Variants in EML4 observed in about 807,000 individuals in gnomAD.
EML4 encodes echinoderm microtubule-associated protein-like 4.
A neutral mutation model predicts 129.0 loss-of-function variants in EML4; 72 were observed. That is an observed-to-expected ratio of 0.56 (90% CI 0.46 to 0.68). The LOEUF (loss-of-function observed/expected upper bound fraction) is 0.68. EML4 is among the 30% of genes least tolerant of loss of function. EML4 has a pLI of 0.00. For missense variants in EML4, 1,363 were observed against 1,190.6 expected, an observed-to-expected ratio of 1.14 and a Z score of -2.13; for synonymous variants, 532 against 405.0, an observed-to-expected ratio of 1.31 and a Z score of -3.77.
chr2:42,305,664 GC>G (rs1369013426), intron 17 of EML4, among the ~76,000 whole-genome samples: 1 of 152,040 alleles, frequency 6.6e-6, no homozygotes, highest in Non-Finnish European at 1.5e-5. Flanking sequence ...CAACTTTATT[GC>G]CTCTGCTAGT....
At chr2:42,285,048 GTTGA>G (rs1185088420) in intron 9 of EML4, among the ~76,000 whole-genome samples, 1 of 146,116 alleles carries the variant, frequency 6.8e-6, no homozygotes, top group Non-Finnish European at 1.5e-5. Flanking sequence ...TGATGAACCT[GTTGA>G]TTCTTATTTA....
rs369446476 is a variant in EML4 at position 42,288,210 on chromosome 2, G to A, written c.1123-17G>A. On this transcript the variant is annotated splice_polypyrimidine_tract_variant and intron_variant, in intron 10 of 22. Transcript: ENST00000318522. Reference sequence around the variant, plus strand: ...TATCAGTGAATTTTAAAATGCCTCTGATTGACTTTTCTTTAGGATTCAGGT... The same window carrying A: ...TATCAGTGAATTTTAAAATGCCTCTAATTGACTTTTCTTTAGGATTCAGGT... 1.1e-5 allele frequency: 12 copies of A among 1,134,880 alleles called. No homozygotes were observed. The highest frequency in any genetic ancestry group is 3.1e-5 in the African/African-American group (2 of 63,800). The allele number at this position is 1,134,880 out of a possible 1,614,324, so 70.3% of individuals were successfully genotyped here.
chr2:42,232,065 G>A (rs1195027107), intron 1 of EML4, among the ~76,000 whole-genome samples: 1 of 151,964 alleles, frequency 6.6e-6, no homozygotes, highest in African/African-American at 2.4e-5. Context: ...CAAATATCTG[G>A]ATGAATAGGA....
At chr2:42,317,332 G>C in intron 18 of EML4, 95 bp from the exon 19 acceptor site, 1 of 794,676 alleles carries the variant, frequency 1.3e-6, no homozygotes, top group Non-Finnish European at 2.0e-6. Context: ...TAGTTAAATT[G>C]ATGAGATTTA....
chr2:42,175,929 T>C (rs1373865442), intron 1 of EML4, among the ~76,000 whole-genome samples: 1 of 152,236 alleles, frequency 6.6e-6, no homozygotes, highest in African/African-American at 2.4e-5. Flanking sequence ...CTATGCTTAG[T>C]TTTTTAATAG....
chr2:42,194,785 A>G (rs979904217), intron 1 of EML4, among the ~76,000 whole-genome samples: 5 of 152,228 alleles, frequency 3.3e-5, no homozygotes, highest in African/African-American at 1.2e-4. Context: ...TGCTGGGATT[A>G]CAGGAGTGAG....
intron 11 of EML4, among the ~76,000 whole-genome samples, chr2:42,292,271 C>T (rs984470397): frequency 2.0e-5 from 3 of 152,182 alleles, no homozygotes; most frequent in Admixed American, 6.5e-5. Flanking sequence ...TGCATGCTTT[C>T]TGGCCCAAAT....
chr2:42,182,475 GA>G (rs1468460652), intron 1 of EML4, among the ~76,000 whole-genome samples: 1 of 151,978 alleles, frequency 6.6e-6, no homozygotes, highest in Non-Finnish European at 1.5e-5. Context: ...GCACTAAACT[GA>G]CACCCCGTAC....
At chr2:42,196,308 T>C (rs957127866) in intron 1 of EML4, among the ~76,000 whole-genome samples, 1 of 152,242 alleles carries the variant, frequency 6.6e-6, no homozygotes, top group Non-Finnish European at 1.5e-5. Context: ...GCACTTAATA[T>C]GTGCTTAATG....
At chr2:42,277,800 C>G (rs984347433) in intron 6 of EML4, among the ~76,000 whole-genome samples, 3 of 152,140 alleles carry the variant, frequency 2.0e-5, no homozygotes, top group South Asian at 2.1e-4. Flanking sequence ...AACTCCTGAC[C>G]TCGTGATCTG....
chr2:42,231,958 A>T (rs1190990199), intron 1 of EML4, among the ~76,000 whole-genome samples: 1 of 152,160 alleles, frequency 6.6e-6, no homozygotes, highest in Non-Finnish European at 1.5e-5. Flanking sequence ...CAAAAAAAAA[A>T]AATTATTTAT....
intron 1 of EML4, among the ~76,000 whole-genome samples, chr2:42,236,739 T>C (rs1343952418): frequency 2.6e-5 from 4 of 152,138 alleles, no homozygotes; most frequent in Non-Finnish European, 5.9e-5. Flanking sequence ...AGGTTTTTTT[T>C]CCCCCTAAAG....
intron 2 of EML4, among the ~76,000 whole-genome samples, chr2:42,256,084 A>T (rs918251298): frequency 6.6e-6 from 1 of 152,192 alleles, no homozygotes; most frequent in Non-Finnish European, 1.5e-5. Context: ...ATTTGTATGG[A>T]GTAACAGTCT....
At chr2:42,283,344 A>G (rs1386463098) in intron 8 of EML4, among the ~76,000 whole-genome samples, 2 of 152,204 alleles carry the variant, frequency 1.3e-5, no homozygotes, top group Non-Finnish European at 2.9e-5. Flanking sequence ...TCCTATGTAG[A>G]TAAATTTTAT....
chr2:42,301,731 C>G (rs1668297502), intron 14 of EML4, among the ~76,000 whole-genome samples: 2 of 151,248 alleles, frequency 1.3e-5, no homozygotes, highest in African/African-American at 2.4e-5. Flanking sequence ...AGCATTCTTT[C>G]CAGAGAAAAT....
At chr2:42,264,103 GTTT>G (rs9309080) in intron 5 of EML4, among the ~76,000 whole-genome samples, 1,460 of 100,800 alleles carry the variant, frequency 0.014, 37 homozygotes, top group African/African-American at 0.047. Flanking sequence ...AACAATACGT[GTTT>G]TTTTTTTTTT....
At chr2:42,225,991 G>A (rs1001626053) in intron 1 of EML4, among the ~76,000 whole-genome samples, 1 of 151,808 alleles carries the variant, frequency 6.6e-6, no homozygotes, top group Non-Finnish European at 1.5e-5. Flanking sequence ...TTATTTTTAA[G>A]GAAATAATGC....
intron 1 of EML4, among the ~76,000 whole-genome samples, chr2:42,177,817 C>T (rs1670693088): frequency 6.6e-6 from 1 of 152,062 alleles, no homozygotes; most frequent in South Asian, 2.1e-4. Flanking sequence ...TCAGGACCAA[C>T]ATTAGAAAAA....
At chr2:42,202,628 A>T (rs1191265447) in intron 1 of EML4, among the ~76,000 whole-genome samples, 1 of 152,102 alleles carries the variant, frequency 6.6e-6, no homozygotes, top group African/African-American at 2.4e-5. Context: ...AGCACAGGAG[A>T]AAGATGGAGG....
Sources: gnomAD v4.1 joint callset for allele counts (sites outside exome capture counted in the v4.1 genomes callset) on GRCh38, gnomAD v4.1.1 for gene constraint, MANE v1.5 for transcripts, NCBI Gene and HGNC (gene_info 2026-07-23, HGNC 2026-07-21) for gene names.